Variants in SPATA3 observed in about 807,000 individuals in gnomAD.
The protein encoded by SPATA3 is spermatogenesis-associated protein 3.
A neutral mutation model predicts 5.7 loss-of-function variants in SPATA3; 6 were observed. The observed-to-expected ratio is 1.06, with a 90% CI of 0.58 to 2.09. The LOEUF (loss-of-function observed/expected upper bound fraction) is 2.09. Ranked by LOEUF, SPATA3 falls within the 30% of genes most tolerant of loss-of-function variation. The probability of loss-of-function intolerance (pLI) is 0.00; values close to 1 mark genes in which losing one functional copy is unlikely to be tolerated. For synonymous variants in SPATA3, 44 were observed against 48.4 expected (o/e 0.91, Z 0.37); for missense variants, 155 against 130.4 (o/e 1.19, Z -0.92).
At chr2:230,996,359 T>C (rs1692121228) in intron 1 of SPATA3, 10 of 1,540,934 alleles carry the variant, frequency 6.5e-6, no homozygotes, top group Non-Finnish European at 8.8e-6. Flanking sequence ...AGCCTAGTCC[T>C]GAATCCACAC....
At chr2:231,018,241 C>T (rs1248569864) in intron 6 of SPATA3, among the ~76,000 whole-genome samples, 1 of 152,088 alleles carries the variant, frequency 6.6e-6, no homozygotes, top group Non-Finnish European at 1.5e-5. Flanking sequence ...AGAAATTTTA[C>T]CACAAGCTGC....
chr2:231,000,371 C>A, exon 2 of SPATA3: 1 of 1,503,656 alleles, frequency 6.7e-7, no homozygotes, highest in Non-Finnish European at 8.9e-7. Flanking sequence ...CACAGGGCCT[C>A]TGATTCGCGC....
At chr2:231,001,619 G>A (rs991539151) in intron 2 of SPATA3, among the ~76,000 whole-genome samples, 11 of 152,168 alleles carry the variant, frequency 7.2e-5, no homozygotes, top group African/African-American at 9.7e-5. Flanking sequence ...CTGCCCACAC[G>A]CTTAGTACTT....
downstream of SPATA3, among the ~76,000 whole-genome samples, chr2:231,011,072 C>CAAAAAAAAAA (rs556496371): frequency 2.8e-3 from 221 of 79,798 alleles, 10 homozygotes; most frequent in African/African-American, 9.2e-3. Flanking sequence ...GACCCTGTCT[C>CAAAAAAAAAA]AAAAAAAAAA....
intron 6 of SPATA3, among the ~76,000 whole-genome samples, chr2:231,014,639 G>T (rs1170442575): frequency 6.6e-6 from 1 of 152,142 alleles, no homozygotes; most frequent in African/African-American, 2.4e-5. Flanking sequence ...CAACCTGGTG[G>T]CATCGTGGGG....
intron 6 of SPATA3, among the ~76,000 whole-genome samples, chr2:231,017,602 G>A (rs543457909): frequency 4.5e-4 from 68 of 152,382 alleles, no homozygotes; most frequent in Non-Finnish European, 1.5e-4. Flanking sequence ...TTCCCTTGAA[G>A]TGAGTAGGCT....
chr2:231,002,611 C>T, intron 2 of SPATA3, 73 bp from the exon 3 acceptor site: 2 of 917,524 alleles, frequency 2.2e-6, no homozygotes, highest in Middle Eastern at 2.3e-4. Flanking sequence ...CACATAATTT[C>T]CACTTTCTCC....
chr2:231,009,670 C>T (rs996894008), downstream of SPATA3, among the ~76,000 whole-genome samples: 2 of 152,206 alleles, frequency 1.3e-5, no homozygotes, highest in African/African-American at 4.8e-5. Flanking sequence ...ACATGCTAAA[C>T]GACCACATGC....
chr2:231,007,833 T>C (rs1056574439), downstream of SPATA3, among the ~76,000 whole-genome samples: 1 of 151,962 alleles, frequency 6.6e-6, no homozygotes, highest in Non-Finnish European at 1.5e-5. Flanking sequence ...CAAACACCAA[T>C]AGGGGAGAGG....
chr2:230,996,447 C>G, intron 1 of SPATA3: 1 of 1,552,354 alleles, frequency 6.4e-7, no homozygotes, highest in Non-Finnish European at 8.7e-7. Flanking sequence ...ATTCCAAGCC[C>G]TTCCAGCACC....
intron 6 of SPATA3, among the ~76,000 whole-genome samples, chr2:231,014,968 C>A (rs1026950586): frequency 1.1e-4 from 17 of 152,142 alleles, no homozygotes; most frequent in Admixed American, 1.1e-3. Flanking sequence ...AAGGGAGCAC[C>A]AGCAAACCCT....
Position 231,000,073 on chromosome 2 carries a change from G to A in SPATA3, c.791-293G>A, listed in dbSNP as rs979322751. On this transcript the variant is annotated intron_variant, in intron 1 of 2. Coordinates refer to ENST00000645363, the Ensembl canonical transcript of SPATA3. ...CAGCACCACCTCCATCATCATCATC[G>A]TTGTTGTCGTCGCTGTTGCTACTCC... Among the ~76,000 whole-genome samples the A allele has an allele frequency of 2.6e-5, 4 of 152,136 alleles. 1 individual carries two copies. Among genetic ancestry groups the A allele is most frequent in the African/African-American group, 7.2e-5 (3 of 41,436 alleles).
At chr2:231,009,585 C>G (rs188969792), downstream of SPATA3, among the ~76,000 whole-genome samples, 1 of 152,338 alleles carries the variant, frequency 6.6e-6, no homozygotes, top group Non-Finnish European at 1.5e-5. Flanking sequence ...CTCATCTCTC[C>G]CACACTGGCC....
intron 1 of SPATA3, among the ~76,000 whole-genome samples, chr2:230,997,738 T>C (rs1178424648): frequency 2.0e-5 from 3 of 152,184 alleles, no homozygotes; most frequent in Admixed American, 1.3e-4. Flanking sequence ...TGTATAAGCA[T>C]TGGATTGTGT....
At chr2:231,014,072 G>T (rs182620455) in exon 6 of SPATA3, 2 of 152,180 alleles carry the variant, frequency 1.3e-5, no homozygotes, top group Non-Finnish European at 2.9e-5. Flanking sequence ...ATTCCTTGGG[G>T]GTTAGACACC....
At position 231,018,757 on chromosome 2, in the gene SPATA3, C is replaced by T. The variant is rs547623044; in HGVS notation, c.*566-963C>T. ...CTGGAGTGCAGTGGCATAATCTCAG[C>T]TCACTGCAACCTCCACTTCCCAGGT... On this transcript the variant is annotated intron_variant, in intron 6 of 8. Transcript: ENST00000452881. Among the ~76,000 whole-genome samples the T allele has an allele frequency of 3.1e-4, 47 of 152,024 alleles. No homozygotes were observed. In the East Asian group the frequency reaches 6.2e-3, roughly 20 times the overall value.
At chr2:231,001,004 A>T (rs1025919889) in intron 2 of SPATA3, among the ~76,000 whole-genome samples, 1 of 152,196 alleles carries the variant, frequency 6.6e-6, no homozygotes, top group Non-Finnish European at 1.5e-5. Context: ...ATAAAAAACT[A>T]CTTGTAACTC....
downstream of SPATA3, among the ~76,000 whole-genome samples, chr2:231,006,987 C>T (rs1692651813): frequency 6.6e-6 from 1 of 152,174 alleles, no homozygotes; most frequent in African/African-American, 2.4e-5. Context: ...TGAGCAGGAG[C>T]CAAGCCTGGC....
chr2:231,009,685 G>A (rs1414367293), downstream of SPATA3, among the ~76,000 whole-genome samples: 1 of 152,230 alleles, frequency 6.6e-6, no homozygotes, highest in Non-Finnish European at 1.5e-5. Context: ...ACATGCCGGA[G>A]TCCCTGTCTT....
Sources: allele counts gnomAD v4.1 joint callset (sites outside exome capture counted in the v4.1 genomes callset), GRCh38; gene constraint gnomAD v4.1.1; transcripts MANE v1.5; gene names NCBI Gene and HGNC (gene_info 2026-07-23, HGNC 2026-07-21).